Variants in SUGCT observed in about 807,000 individuals in gnomAD.
SUGCT encodes succinyl-CoA:glutarate-CoA transferase.
A neutral mutation model predicts 55.0 loss-of-function variants in SUGCT; 41 were observed. That is an observed-to-expected ratio of 0.74 (90% confidence interval 0.58 to 0.97). The LOEUF (loss-of-function observed/expected upper bound fraction) is 0.97. Ranked by LOEUF, SUGCT falls within the 50% of genes least tolerant of loss-of-function variation. The pLI is 0.00. For synonymous variants in SUGCT, 187 were observed against 200.4 expected, an observed-to-expected ratio of 0.93 and a Z score of 0.56; for missense variants, 568 against 547.8, an observed-to-expected ratio of 1.04 and a Z score of -0.37.
chr7:40,531,534 AT>A (rs1348232439), intron 12 of SUGCT, among the ~76,000 whole-genome samples: 1 of 152,150 alleles, frequency 6.6e-6, no homozygotes, highest in Non-Finnish European at 1.5e-5. Flanking sequence ...CTACTCCAAA[AT>A]TTATTAGTAA....
In SUGCT at chr7:40,380,907, CTG is replaced by C. The variant is rs761289963; in HGVS notation, c.816+64055_816+64056del. 2.6e-5 allele frequency among the ~76,000 whole-genome samples: 4 copies of C among 152,228 alleles called. No homozygotes were observed. In the East Asian group the frequency reaches 7.7e-4, roughly 29 times the overall value. On this transcript the variant is annotated intron_variant, in intron 9 of 13. Transcript: ENST00000335693. ...TTTTGAAATCATACAGGATTATTCA[CTG>C]TGAAATCAAATGAAAACTTTGATTT...
chr7:40,352,254 T>C (rs1394083037), intron 9 of SUGCT, among the ~76,000 whole-genome samples: 1 of 152,230 alleles, frequency 6.6e-6, no homozygotes, highest in Non-Finnish European at 1.5e-5. Context: ...TGTTTGTGTG[T>C]GTATATTTAC....
chr7:40,278,697 C>T (rs1424359360), intron 8 of SUGCT, among the ~76,000 whole-genome samples: 1 of 151,754 alleles, frequency 6.6e-6, no homozygotes, highest in Non-Finnish European at 1.5e-5. Context: ...CTTTTTTTCT[C>T]TCTCATCTTT....
chr7:40,713,282 C>T (rs1785825759), intron 12 of SUGCT, among the ~76,000 whole-genome samples: 1 of 152,144 alleles, frequency 6.6e-6, no homozygotes, highest in Non-Finnish European at 1.5e-5. Flanking sequence ...GTTCTTCTTC[C>T]ACTCAGAAAG....
intron 9 of SUGCT, among the ~76,000 whole-genome samples, chr7:40,394,073 G>A (rs1201220939): frequency 6.6e-6 from 1 of 152,092 alleles, no homozygotes; most frequent in Admixed American, 6.6e-5. Flanking sequence ...CTTTGACTTT[G>A]GTGACTTTGT....
chr7:40,378,653 A>G (rs1045955581), intron 9 of SUGCT, among the ~76,000 whole-genome samples: 3 of 152,082 alleles, frequency 2.0e-5, no homozygotes, highest in Admixed American at 6.5e-5. Context: ...TTCTATTTTT[A>G]GCAGAGATGG....
chr7:40,585,372 CCTT>C lies in SUGCT; in HGVS notation c.1089+88992_1089+88994del, dbSNP rs1797321211. On this transcript the variant is annotated intron_variant, in intron 12 of 13. Coordinates refer to ENST00000335693, the MANE Select transcript of SUGCT (RefSeq NM_001193313.2). Reference sequence around the variant, plus strand: ...TTTCGTTGTTGTCGTCTTTGTTTTGCCTTCTTCTCTGAAAACACAATTATTTTC... The same window carrying C: ...TTTCGTTGTTGTCGTCTTTGTTTTGCCTTCTCTGAAAACACAATTATTTTC... 5.3e-5 allele frequency among the ~76,000 whole-genome samples: 8 copies of C among 152,212 alleles called. 1 individual carries two copies. In the South Asian group the frequency reaches 1.7e-3, roughly 32 times the overall value.
rs1333899769 is a variant in SUGCT, at chr7:40,661,914, A to C, written c.1090-87520A>C. 3.3e-5 allele frequency among the ~76,000 whole-genome samples: 5 copies of C among 152,316 alleles called. No individual in the cohort carries two copies. In the South Asian group the frequency reaches 6.2e-4, roughly 19 times the overall value. ...CCAGTTTGAGTTTTTTAAATCACTG[A>C]TACACAGATATCTCTAAATTGTTCT... On this transcript the variant is annotated intron_variant, in intron 12 of 13. Transcript: ENST00000335693.
intron 7 of SUGCT, among the ~76,000 whole-genome samples, chr7:40,250,688 A>G (rs934851897): frequency 1.2e-4 from 18 of 152,120 alleles, no homozygotes; most frequent in African/African-American, 3.9e-4. Flanking sequence ...CAGAAGAACA[A>G]TTAATTGAAG....
chr7:40,733,988 T>C (rs1787029796), intron 12 of SUGCT, among the ~76,000 whole-genome samples: 1 of 152,212 alleles, frequency 6.6e-6, no homozygotes, highest in Non-Finnish European at 1.5e-5. Flanking sequence ...AATGTTTTGT[T>C]ACAACCTTCA....
chr7:40,259,006 CAT>C (rs1181019518), intron 7 of SUGCT, among the ~76,000 whole-genome samples: 5 of 152,180 alleles, frequency 3.3e-5, no homozygotes, highest in Non-Finnish European at 5.9e-5. Flanking sequence ...ATTCTTGTCA[CAT>C]GTTATAACAT....
Position 40,168,895 on chromosome 7 carries a change from G to A in SUGCT, c.101-12052G>A, listed in dbSNP as rs181833370. Reference sequence around the variant, plus strand: ...TTTCTAATGGATGGTCCCGCCTTGCGGATCTTTTGGCTTCGGTATCTGCTT... The same window carrying A: ...TTTCTAATGGATGGTCCCGCCTTGCAGATCTTTTGGCTTCGGTATCTGCTT... On this transcript the variant is annotated intron_variant, in intron 1 of 13. Coordinates refer to ENST00000335693, the MANE Select transcript of SUGCT (RefSeq NM_001193313.2). Among the ~76,000 whole-genome samples, 43 of 152,110 alleles carry A rather than the reference G, an allele frequency of 2.8e-4. No homozygotes were observed. The East Asian group carries it at 3.3e-3, about 12-fold the overall frequency.
At chr7:40,388,269 G>A (rs555627361) in intron 9 of SUGCT, 1 of 152,252 alleles carries the variant, frequency 6.6e-6, no homozygotes, top group South Asian at 2.1e-4. Flanking sequence ...ATTTAGTGAA[G>A]CAAGCTACTG....
intron 12 of SUGCT, among the ~76,000 whole-genome samples, chr7:40,562,302 A>G (rs568460731): frequency 1.8e-4 from 28 of 151,602 alleles, no homozygotes; most frequent in Admixed American, 9.2e-4. Context: ...CCGTCTCAAA[A>G]AAAAAAAAAA....
chr7:40,140,062 C>A (rs1198148773), intron 1 of SUGCT, among the ~76,000 whole-genome samples: 2 of 151,942 alleles, frequency 1.3e-5, no homozygotes, highest in Non-Finnish European at 2.9e-5. Context: ...GCCACCATGC[C>A]CCGCGAATTT....
chr7:40,924,090 C>T, the SUGCT span, among the ~76,000 whole-genome samples: 2 of 152,122 alleles, frequency 1.3e-5, no homozygotes, highest in African/African-American at 4.8e-5. Context: ...AGGAACTGGC[C>T]CTCACCAGCC....
chr7:40,181,267 T>G (rs1049190284), intron 2 of SUGCT, among the ~76,000 whole-genome samples: 2 of 152,168 alleles, frequency 1.3e-5, no homozygotes, highest in Non-Finnish European at 2.9e-5. Flanking sequence ...TTAAACACAA[T>G]GTTATATTTT....
chr7:40,251,936 TA>T lies in SUGCT; in HGVS notation c.576+14221del, dbSNP rs879897770. On this transcript the variant is annotated intron_variant, in intron 7 of 13. Coordinates refer to ENST00000335693, the MANE Select transcript of SUGCT (RefSeq NM_001193313.2). The stretch of plus-strand genomic sequence containing the variant: ...ACCAATTTGTATGACCTAGGAAAAA[TA>T]AAAAAAAAAACAAAGAAATAAATAG... Among the ~76,000 whole-genome samples, 798 of 140,962 alleles carry T rather than the reference TA, an allele frequency of 5.7e-3. 5 individuals are homozygous for T. The highest frequency in any genetic ancestry group is 8.5e-3 in the Non-Finnish European group (544 of 64,354). The allele number at this position is 140,962 out of a possible 152,430, so 92.5% of individuals were successfully genotyped here.
At chr7:40,863,576 A>G (rs1794531550), downstream of SUGCT, among the ~76,000 whole-genome samples, 2 of 152,188 alleles carry the variant, frequency 1.3e-5, no homozygotes, top group African/African-American at 4.8e-5. Context: ...GCCCCTTCTC[A>G]TAACTGCTCA....
Sources: gnomAD v4.1 joint callset for allele counts (sites outside exome capture counted in the v4.1 genomes callset) on GRCh38, gnomAD v4.1.1 for gene constraint, MANE v1.5 for transcripts, NCBI Gene and HGNC (gene_info 2026-07-23, HGNC 2026-07-21) for gene names.